The following TMEM117 variants were observed in gnomAD, a reference collection of about 807,000 sequenced individuals.
The protein encoded by TMEM117 is transmembrane protein 117.
TMEM117 carries 27 observed loss-of-function variants against 52.4 expected under a neutral mutation model. The observed-to-expected ratio is 0.51, with a 90% CI of 0.38 to 0.71. The LOEUF (loss-of-function observed/expected upper bound fraction) is 0.71. Among genes scored for constraint, TMEM117 ranks in the 30% least tolerant of loss-of-function variants. The pLI, the probability that TMEM117 is intolerant of heterozygous loss-of-function variation, is 0.00. For missense variants in TMEM117, 556 were observed against 630.5 expected (o/e 0.88, Z 1.26); for synonymous variants, 215 against 206.3 (o/e 1.04, Z -0.36).
At chr12:43,845,134 C>A in intron 2 of TMEM117, 2 of 544,704 alleles carry the variant, frequency 3.7e-6, no homozygotes, top group Admixed American at 3.8e-5. Flanking sequence ...AAAATTAGCA[C>A]GAGGTAAAAT....
chr12:43,836,192 T>A lies in TMEM117; in HGVS notation c.-33T>A, dbSNP rs2137332276. 6.6e-6 allele frequency: 1 copy of A among 152,248 alleles called. No homozygotes were observed. Among genetic ancestry groups the A allele is most frequent in the Non-Finnish European group, 1.5e-5 (1 of 68,052 alleles). 9.4% of individuals were successfully genotyped at this position (152,248 alleles called of 1,614,324 possible). On this transcript the variant is annotated 5_prime_UTR_variant, in exon 1 of 8. Coordinates refer to ENST00000266534, the MANE Select transcript of TMEM117 (RefSeq NM_032256.3). Reference sequence around the variant, plus strand: ...AGTCGCCCCGCGCCCCGCGCGACCCTTCGGGTGAGTACGTGGGCCCGGGCG... The same window carrying A: ...AGTCGCCCCGCGCCCCGCGCGACCCATCGGGTGAGTACGTGGGCCCGGGCG...
At chr12:44,015,239 TA>T (rs1946356197) in intron 3 of TMEM117, among the ~76,000 whole-genome samples, 1 of 152,122 alleles carries the variant, frequency 6.6e-6, no homozygotes, top group Non-Finnish European at 1.5e-5. Flanking sequence ...TTAGAAGTCT[TA>T]AGTCAGTCAT....
At chr12:43,967,215 C>T (rs967907909) in intron 3 of TMEM117, among the ~76,000 whole-genome samples, 1 of 152,028 alleles carries the variant, frequency 6.6e-6, no homozygotes, top group African/African-American at 2.4e-5. Context: ...CAGCCTTGAC[C>T]TCCTGCTCAA....
chr12:43,814,342 T>C, the TMEM117 span, among the ~76,000 whole-genome samples: 1 of 152,040 alleles, frequency 6.6e-6, no homozygotes, highest in African/African-American at 2.4e-5. Flanking sequence ...TTGGTTTTGG[T>C]GTTTCATCTT....
At chr12:44,337,380 A>C (rs1951355711) in intron 6 of TMEM117, among the ~76,000 whole-genome samples, 1 of 151,988 alleles carries the variant, frequency 6.6e-6, no homozygotes, top group Non-Finnish European at 1.5e-5. Flanking sequence ...ACCTCCTAAA[A>C]GTGAGGTGAT....
chr12:43,920,417 G>A (rs1418202879), intron 2 of TMEM117, among the ~76,000 whole-genome samples: 1 of 152,194 alleles, frequency 6.6e-6, no homozygotes, highest in East Asian at 1.9e-4. Flanking sequence ...GGAGGCTGAG[G>A]CAGGAGAATC....
intron 5 of TMEM117, among the ~76,000 whole-genome samples, chr12:44,271,768 T>C (rs1314848351): frequency 6.6e-6 from 1 of 152,078 alleles, no homozygotes; most frequent in Non-Finnish European, 1.5e-5. Context: ...AAAAATCTTC[T>C]GCACAGCAAA....
intron 2 of TMEM117, among the ~76,000 whole-genome samples, chr12:43,883,086 T>TATAAAA (rs1387320193): frequency 5.3e-5 from 8 of 152,230 alleles, no homozygotes; most frequent in Non-Finnish European, 1.0e-4. Flanking sequence ...TTGTATCCAT[T>TATAAAA]ATAAAAAGGA....
At chr12:44,130,261 T>C (rs1948392666) in intron 3 of TMEM117, among the ~76,000 whole-genome samples, 1 of 152,124 alleles carries the variant, frequency 6.6e-6, no homozygotes, top group African/African-American at 2.4e-5. Context: ...TATAAAATAT[T>C]ATTAAGTGGA....
chr12:43,920,547 G>A (rs1565751676), intron 2 of TMEM117, among the ~76,000 whole-genome samples: 1 of 118,242 alleles, frequency 8.5e-6, no homozygotes, highest in African/African-American at 3.2e-5. Context: ...AACCTAGAGG[G>A]CCTTTTTTTT....
chr12:43,830,427 T>C, the TMEM117 span, among the ~76,000 whole-genome samples: 1 of 151,770 alleles, frequency 6.6e-6, no homozygotes, highest in Non-Finnish European at 1.5e-5. Context: ...ACTAACATGG[T>C]GAAACCCCGT....
At chr12:44,061,758 G>T (rs1565812158) in intron 3 of TMEM117, among the ~76,000 whole-genome samples, 1 of 152,078 alleles carries the variant, frequency 6.6e-6, no homozygotes, top group African/African-American at 2.4e-5. Flanking sequence ...ATTTGTCATT[G>T]TTGTTTTATA....
intron 2 of TMEM117, among the ~76,000 whole-genome samples, chr12:43,913,195 G>A (rs577261169): frequency 6.6e-6 from 1 of 152,110 alleles, no homozygotes; most frequent in Non-Finnish European, 1.5e-5. Flanking sequence ...TTCATGAACT[G>A]TCTATGGGTC....
At chr12:44,146,309 C>G (rs1216056407) in intron 4 of TMEM117, among the ~76,000 whole-genome samples, 1 of 152,166 alleles carries the variant, frequency 6.6e-6, no homozygotes, top group Non-Finnish European at 1.5e-5. Flanking sequence ...TACTAGCTAA[C>G]CTGATAACTT....
chr12:44,045,837 A>G (rs572732653), intron 3 of TMEM117, among the ~76,000 whole-genome samples: 113 of 152,266 alleles, frequency 7.4e-4, no homozygotes, highest in Admixed American at 1.8e-3. Flanking sequence ...TGCGAGACTC[A>G]AAAAGTGCAG....
chr12:44,261,008 T>C (rs1179006978), intron 5 of TMEM117, among the ~76,000 whole-genome samples: 2 of 152,252 alleles, frequency 1.3e-5, no homozygotes, highest in African/African-American at 2.4e-5. Context: ...AACTATGTCC[T>C]TTACAGGACA....
intron 2 of TMEM117, among the ~76,000 whole-genome samples, chr12:43,910,531 A>G (rs1239494928): frequency 2.0e-5 from 3 of 149,824 alleles, no homozygotes; most frequent in East Asian, 2.0e-4. Flanking sequence ...AGGGTATTCA[A>G]TTAGGAAAAG....
intron 4 of TMEM117, among the ~76,000 whole-genome samples, chr12:44,170,694 T>C (rs1180374854): frequency 3.3e-5 from 5 of 152,198 alleles, no homozygotes; most frequent in Non-Finnish European, 5.9e-5. Flanking sequence ...GAATTTTACA[T>C]CTTGATAGAT....
chr12:44,360,667 A>T (rs560824038), intron 6 of TMEM117, among the ~76,000 whole-genome samples: 2 of 152,262 alleles, frequency 1.3e-5, no homozygotes, highest in South Asian at 4.1e-4. Context: ...TGACCAAGGA[A>T]ACTGTCAGGC....
Sources: gnomAD v4.1 joint callset for allele counts (sites outside exome capture counted in the v4.1 genomes callset) on GRCh38, gnomAD v4.1.1 for gene constraint, MANE v1.5 for transcripts, NCBI Gene and HGNC (gene_info 2026-07-23, HGNC 2026-07-21) for gene names.